SEC14L1: variants seen among roughly 807,000 people sequenced by gnomAD.
SEC14L1 encodes SEC14-like protein 1.
Under a neutral mutation model 85.3 loss-of-function variants are expected in SEC14L1, and 48 were observed. The ratio of observed to expected loss-of-function variants is 0.56; its 90% confidence interval spans 0.45 to 0.72. The LOEUF is 0.72. Ranked by LOEUF, SEC14L1 falls within the 30% of genes least tolerant of loss-of-function variation. The pLI is 0.00. For synonymous variants in SEC14L1, 391 were observed against 355.5 expected (o/e 1.10, Z -1.12); for missense variants, 682 against 921.4 (o/e 0.74, Z 3.36).
At chr17:77,165,769 T>A (rs145853729) in intron 3 of SEC14L1, among the ~76,000 whole-genome samples, 2 of 152,340 alleles carry the variant, frequency 1.3e-5, no homozygotes, top group East Asian at 1.9e-4. Flanking sequence ...TTTAGTCGGC[T>A]AATTATTTAC....
intron 3 of SEC14L1, among the ~76,000 whole-genome samples, chr17:77,123,804 T>C (rs930781562): frequency 3.3e-5 from 5 of 152,096 alleles, no homozygotes; most frequent in African/African-American, 9.7e-5. Context: ...CTTCCCCGGC[T>C]TGTGGAGTGG....
intron 3 of SEC14L1, among the ~76,000 whole-genome samples, chr17:77,100,407 C>T (rs79085617): frequency 0.1 from 8,139 of 78,128 alleles, 479 homozygotes; most frequent in East Asian, 0.17. Flanking sequence ...TTTTTTTTTT[C>T]TTTTCTTTCT....
At position 77,143,647 on chromosome 17, in the gene SEC14L1, A is replaced by G. The variant is rs1239481398; in HGVS notation, c.51A>G (p.Glu17=). The part of the protein sequence containing the change: ...SPVRVYKYPF[E]LIMAAYERRF... The stretch of plus-strand genomic sequence containing the variant: ...TGAGGGTGTACAAATACCCCTTTGA[A>G]TTAATTATGGCTGTAAGTACTTGAC... The change falls in exon 3 of 17, where the codon GAA becomes GAG. Residue 17 remains glutamate, a synonymous_variant. Coordinates refer to ENST00000436233, the MANE Select transcript of SEC14L1 (RefSeq NM_001143998.2). 2 of 1,610,994 alleles carry G rather than the reference A, an allele frequency of 1.2e-6. No homozygotes were observed. The highest frequency in any genetic ancestry group is 1.7e-5 in the Admixed American group (1 of 59,942).
chr17:77,183,257 T>C (rs1018577971), intron 3 of SEC14L1, among the ~76,000 whole-genome samples: 4 of 152,258 alleles, frequency 2.6e-5, no homozygotes, highest in Non-Finnish European at 5.9e-5. Flanking sequence ...TGAGTAATGC[T>C]CATTTTTTAA....
At chr17:77,100,419 T>G (rs1598217352) in intron 3 of SEC14L1, among the ~76,000 whole-genome samples, 1 of 41,504 alleles carries the variant, frequency 2.4e-5, no homozygotes, top group East Asian at 6.0e-4. Flanking sequence ...TTTCTTTCTC[T>G]CTCTCTCTCT....
chr17:77,190,994 G>C, intron 4 of SEC14L1, 42 bp downstream of exon 4: 5 of 1,604,716 alleles, frequency 3.1e-6, no homozygotes, highest in Non-Finnish European at 4.3e-6. Flanking sequence ...AGGGCGTCCT[G>C]GTGGGAGAGG....
intron 3 of SEC14L1, among the ~76,000 whole-genome samples, chr17:77,175,666 A>G (rs1974721138): frequency 6.6e-6 from 1 of 152,170 alleles, no homozygotes; most frequent in East Asian, 1.9e-4. Context: ...CTATAAACTC[A>G]TTCTATAAAA....
chr17:77,175,451 G>A (rs978325497), intron 3 of SEC14L1, among the ~76,000 whole-genome samples: 6 of 152,214 alleles, frequency 3.9e-5, no homozygotes, highest in African/African-American at 1.4e-4. Flanking sequence ...AATCGTTACA[G>A]GTTCATAACT....
intron 3 of SEC14L1, among the ~76,000 whole-genome samples, chr17:77,101,522 G>A (rs1971777554): frequency 6.6e-6 from 1 of 152,152 alleles, no homozygotes; most frequent in African/African-American, 2.4e-5. Context: ...TTAAATCCCT[G>A]TCTTGGTTCA....
chr17:77,120,623 C>G (rs1470586954), intron 3 of SEC14L1, among the ~76,000 whole-genome samples: 1 of 152,142 alleles, frequency 6.6e-6, no homozygotes, highest in African/African-American at 2.4e-5. Context: ...ATTACAGGTG[C>G]GTGCCACCAC....
At position 77,191,330 on chromosome 17, in the gene SEC14L1, C is replaced by T. The variant is rs201215904; in HGVS notation, c.345+18C>T. ...GCTACACCGTGAGTAATCTGTCACT[C>T]GGCGGAAGATGTTCTGCCGACATAT... is the stretch of plus-strand genomic sequence containing the variant. On this transcript the variant is annotated intron_variant, in intron 5 of 16. Transcript: ENST00000436233. 1.5e-4 allele frequency: 238 copies of T among 1,613,564 alleles called. 1 individual carries two copies. The African/African-American group carries it at 1.7e-3, about 12-fold the overall frequency.
Position 77,191,257 on chromosome 17 carries a change from C to G in SEC14L1, c.290C>G (p.Ala97Gly), listed in dbSNP as rs1049422. Reference sequence around the variant, plus strand: ...CGGGAACGTACTTTGCACATTGAGGCTTATAATGAAACGTTTTCCAATCGG... The same window carrying G: ...CGGGAACGTACTTTGCACATTGAGGGTTATAATGAAACGTTTTCCAATCGG... ...NSRERTLHIE[A>G]YNETFSNRVI... is the part of the protein sequence containing the mutation. Residue 97 changes from alanine (A) to glycine (G), a missense_variant, in exon 5 of 17, where the codon GCT becomes GGT. Ala to Gly is a moderately conservative substitution (Grantham distance 60). Around this residue, in one of 3 missense-constraint regions of SEC14L1, gnomAD observed 139 missense variants for 201.3 expected, o/e 0.69. Transcript: ENST00000436233. The G allele has an allele frequency of 2.5e-6, 4 of 1,613,920 alleles. No homozygotes were observed. The highest frequency in any genetic ancestry group is 3.4e-6 in the Non-Finnish European group (4 of 1,179,856).
chr17:77,214,093 C>T lies in SEC14L1; in HGVS notation c.*70C>T. On this transcript the variant is annotated 3_prime_UTR_variant, in exon 17 of 17. Transcript: ENST00000436233. The stretch of plus-strand genomic sequence containing the variant: ...TCCTCGGACAGCCAGCTGCACCCGC[C>T]CACCCAGCGGCGACATTGTACAGAC... 26 of 1,564,100 alleles carry T rather than the reference C, an allele frequency of 1.7e-5. No homozygotes were observed. The South Asian group carries it at 3.0e-4, about 18-fold the overall frequency.
intron 3 of SEC14L1, among the ~76,000 whole-genome samples, chr17:77,182,632 T>C (rs73998641): frequency 0.01 from 1,531 of 152,318 alleles, 28 homozygotes; most frequent in African/African-American, 0.034. Flanking sequence ...GTTCATTTCG[T>C]CCAGCCTTTC....
chr17:77,189,982 TA>T (rs1310902584), intron 3 of SEC14L1, among the ~76,000 whole-genome samples: 1 of 152,246 alleles, frequency 6.6e-6, no homozygotes, highest in African/African-American at 2.4e-5. Context: ...GTTCATTTTA[TA>T]TATTTTTTCT....
At position 77,216,723 on chromosome 17, in the gene SEC14L1, G is replaced by A. The variant is rs1977120219; in HGVS notation, c.*2700G>A. ...CATTCTTTTATACCCAAAGACTGTAGTGCATCTTGAAGAGCTCAAAGCACA... is the reference window on the plus strand; with the variant it reads ...CATTCTTTTATACCCAAAGACTGTAATGCATCTTGAAGAGCTCAAAGCACA... On this transcript the variant is annotated 3_prime_UTR_variant, in exon 17 of 17. Coordinates refer to ENST00000436233, the MANE Select transcript of SEC14L1 (RefSeq NM_001143998.2). 2 of 1,332,282 alleles carry A rather than the reference G, an allele frequency of 1.5e-6. No homozygotes were observed. Among genetic ancestry groups the A allele is most frequent in the African/African-American group, 2.9e-5 (2 of 69,000 alleles). The allele number at this position is 1,332,282 out of a possible 1,614,324, so 82.5% of individuals were successfully genotyped here.
chr17:77,119,800 A>G (rs1409532551), intron 3 of SEC14L1, among the ~76,000 whole-genome samples: 1 of 152,152 alleles, frequency 6.6e-6, no homozygotes. Flanking sequence ...TAAACCTACC[A>G]GCTCCACCCA....
chr17:77,146,976 A>G lies in SEC14L1; in HGVS notation c.63+3317A>G, dbSNP rs542415139. Among the ~76,000 whole-genome samples, 5 of 152,330 alleles carry G rather than the reference A, an allele frequency of 3.3e-5. No homozygotes were observed. In the South Asian group the frequency reaches 8.3e-4, roughly 25 times the overall value. On this transcript the variant is annotated intron_variant, in intron 3 of 16. Transcript: ENST00000436233. Reference sequence around the variant, plus strand: ...AAATGCCCTTTTCAGTTCAGCATTCAGAGTGAGGAAAGAGGTATATATGCA... The same window carrying G: ...AAATGCCCTTTTCAGTTCAGCATTCGGAGTGAGGAAAGAGGTATATATGCA...
At chr17:77,095,372 A>G (rs1567865822) in intron 3 of SEC14L1, among the ~76,000 whole-genome samples, 1 of 152,182 alleles carries the variant, frequency 6.6e-6, no homozygotes, top group Non-Finnish European at 1.5e-5. Context: ...TGAGTGTCCC[A>G]AGGCAGTGAC....
Sources: gnomAD v4.1 joint callset for allele counts (sites outside exome capture counted in the v4.1 genomes callset) on GRCh38, gnomAD v4.1.1 for gene constraint, gnomAD v4.1.1 regional missense constraint, MANE v1.5 for transcripts, NCBI Gene and HGNC (gene_info 2026-07-23, HGNC 2026-07-21) for gene names.